The following RNF13 variants were observed in gnomAD, a reference collection of about 807,000 sequenced individuals.
The protein encoded by RNF13 is ring finger protein 13.
A neutral mutation model predicts 37.7 loss-of-function variants in RNF13; 19 were observed. That is an observed-to-expected ratio of 0.50 (90% confidence interval 0.35 to 0.74). The LOEUF (loss-of-function observed/expected upper bound fraction) is 0.74, where lower values mean the gene tolerates loss of function less well. Among genes scored for constraint, RNF13 ranks in the 30% least tolerant of loss-of-function variants. The probability of loss-of-function intolerance (pLI) is 0.01; values close to 1 mark genes in which losing one functional copy is unlikely to be tolerated. For missense variants in RNF13, 375 were observed against 453.0 expected (o/e 0.83, Z 1.56); for synonymous variants, 144 against 157.8 (o/e 0.91, Z 0.65).
chr3:149,885,606 G>A (rs1225669321), intron 4 of RNF13, among the ~76,000 whole-genome samples: 1 of 152,074 alleles, frequency 6.6e-6, no homozygotes, highest in Non-Finnish European at 1.5e-5. Context: ...AGCATTGTTT[G>A]AACTCCTTAT....
chr3:149,858,269 A>C (rs536572951), intron 3 of RNF13, among the ~76,000 whole-genome samples: 2 of 152,338 alleles, frequency 1.3e-5, no homozygotes, highest in East Asian at 3.9e-4. Context: ...AAAATAGACC[A>C]AGACAGTAGT....
At chr3:149,864,785 A>G (rs1724633314) in intron 3 of RNF13, among the ~76,000 whole-genome samples, 1 of 152,212 alleles carries the variant, frequency 6.6e-6, no homozygotes, top group African/African-American at 2.4e-5. Flanking sequence ...AAGAATGTCA[A>G]CTGGATCTTT....
At chr3:149,827,928 G>A (rs1484861577) in intron 1 of RNF13, among the ~76,000 whole-genome samples, 3 of 151,744 alleles carry the variant, frequency 2.0e-5, no homozygotes, top group Non-Finnish European at 4.4e-5. Flanking sequence ...TGGGCAGCAA[G>A]GCAAGACCCT....
intron 3 of RNF13, among the ~76,000 whole-genome samples, chr3:149,856,391 T>G (rs1226975464): frequency 6.6e-6 from 1 of 151,840 alleles, no homozygotes; most frequent in Non-Finnish European, 1.5e-5. Flanking sequence ...ACGTTAAAAA[T>G]ATAACTAATT....
chr3:149,920,955 A>T (rs1026187778), intron 7 of RNF13, among the ~76,000 whole-genome samples, 179 bp from the exon 8 acceptor site: 2 of 152,186 alleles, frequency 1.3e-5, no homozygotes, highest in Non-Finnish European at 2.9e-5. Flanking sequence ...TTCATGGGTT[A>T]ACTAATCACT....
chr3:149,872,523 G>C (rs1559920507), intron 4 of RNF13, among the ~76,000 whole-genome samples: 1 of 152,168 alleles, frequency 6.6e-6, no homozygotes, highest in African/African-American at 2.4e-5. Context: ...CCTGTGTAAA[G>C]TTTTTTCTCT....
intron 8 of RNF13, among the ~76,000 whole-genome samples, chr3:149,928,657 G>A (rs932113926): frequency 2.0e-5 from 3 of 152,000 alleles, no homozygotes; most frequent in African/African-American, 7.3e-5. Flanking sequence ...AGGGTCCTTT[G>A]CAATTCCATA....
intron 1 of RNF13, among the ~76,000 whole-genome samples, chr3:149,828,756 C>A (rs73870438): frequency 6.6e-6 from 1 of 151,956 alleles, no homozygotes; most frequent in African/African-American, 2.4e-5. Flanking sequence ...TGACTTGGTA[C>A]GCCACTTACC....
intron 1 of RNF13, among the ~76,000 whole-genome samples, chr3:149,831,021 A>G (rs114556400): frequency 2.3e-4 from 35 of 152,400 alleles, no homozygotes; most frequent in African/African-American, 8.2e-4. Context: ...ACAGAAGTCC[A>G]GAACTGAGGT....
chr3:149,865,511 G>A (rs1468453222), intron 3 of RNF13, among the ~76,000 whole-genome samples: 1 of 151,952 alleles, frequency 6.6e-6, no homozygotes. Flanking sequence ...TGTTTCCCAA[G>A]ATGAAGTGCA....
At chr3:149,843,483 G>A (rs1722360894) in intron 1 of RNF13, among the ~76,000 whole-genome samples, 1 of 152,062 alleles carries the variant, frequency 6.6e-6, no homozygotes. Flanking sequence ...AGACTATAAA[G>A]CAAAACTCCT....
intron 2 of RNF13, among the ~76,000 whole-genome samples, chr3:149,849,831 C>CT (rs1326367506): frequency 2.0e-5 from 3 of 152,084 alleles, no homozygotes; most frequent in African/African-American, 7.2e-5. Flanking sequence ...ATATTTATTA[C>CT]TTTCTAAATT....
At position 149,939,409 on chromosome 3, in the gene RNF13, T is replaced by G. The variant is rs1185820097; in HGVS notation, c.700+18182T>G. ...CCAGATAAACTTGAGTTTCACATAC[T>G]CCTCTTCTTCATCTTCTGACTCTGC... is the stretch of plus-strand genomic sequence containing the variant. On this transcript the variant is annotated intron_variant, in intron 8 of 9. Transcript: ENST00000392894. 4 of 524,514 alleles carry G rather than the reference T, an allele frequency of 7.6e-6. No homozygotes were observed. The African/African-American group carries it at 7.7e-5, about 10-fold the overall frequency. The allele number at this position is 524,514 out of a possible 1,614,324, so 32.5% of individuals were successfully genotyped here.
intron 1 of RNF13, among the ~76,000 whole-genome samples, chr3:149,817,047 A>G (rs1355966847): frequency 2.0e-5 from 3 of 152,182 alleles, no homozygotes; most frequent in Non-Finnish European, 4.4e-5. Flanking sequence ...AGGAGAGAGG[A>G]TGATAGGGAG....
At chr3:149,927,003 CA>C (rs1371613382) in intron 8 of RNF13, among the ~76,000 whole-genome samples, 1 of 152,144 alleles carries the variant, frequency 6.6e-6, no homozygotes, top group African/African-American at 2.4e-5. Flanking sequence ...TTTATTGTAG[CA>C]GAATACACAC....
chr3:149,918,553 T>C (rs1019061624), intron 7 of RNF13, among the ~76,000 whole-genome samples: 2 of 152,172 alleles, frequency 1.3e-5, no homozygotes, highest in Admixed American at 1.3e-4. Context: ...AATTTGGTTA[T>C]TTTATGCAGG....
chr3:149,875,883 T>C (rs1386886165), intron 4 of RNF13, among the ~76,000 whole-genome samples: 3 of 1,832 alleles, frequency 1.6e-3, no homozygotes, highest in African/African-American at 0.013. Context: ...TATGATGCTG[T>C]TCTTTACTGT....
At chr3:149,878,775 C>A (rs1249122713) in intron 4 of RNF13, among the ~76,000 whole-genome samples, 1 of 152,082 alleles carries the variant, frequency 6.6e-6, no homozygotes, top group Non-Finnish European at 1.5e-5. Flanking sequence ...ATTTCATTTT[C>A]TTCCCTTATA....
intron 7 of RNF13, among the ~76,000 whole-genome samples, chr3:149,915,114 G>A (rs958926342): frequency 1.3e-5 from 2 of 152,034 alleles, no homozygotes; most frequent in Non-Finnish European, 2.9e-5. Flanking sequence ...TTTTTTATCT[G>A]TTGTAATAAT....
Sources: gnomAD v4.1 joint callset for allele counts (sites outside exome capture counted in the v4.1 genomes callset) on GRCh38, gnomAD v4.1.1 for gene constraint, MANE v1.5 for transcripts, NCBI Gene and HGNC (gene_info 2026-07-23, HGNC 2026-07-21) for gene names.